Variants in AFF1 observed in about 807,000 individuals in gnomAD.
The protein encoded by AFF1 is AF4/FMR2 family member 1.
In AFF1, 48 loss-of-function variants were observed where a neutral mutation model predicts 121.7. The ratio of observed to expected loss-of-function variants is 0.39; its 90% confidence interval spans 0.31 to 0.50. The LOEUF is 0.50. Among genes scored for constraint, AFF1 ranks in the 20% least tolerant of loss-of-function variants. The pLI, the probability that AFF1 is intolerant of heterozygous loss-of-function variation, is 0.76. For missense variants in AFF1, 1,523 were observed against 1,511.7 expected, an observed-to-expected ratio of 1.01 and a Z score of -0.12; for synonymous variants, 613 against 563.0, an observed-to-expected ratio of 1.09 and a Z score of -1.26.
chr4:87,000,409 A>G (rs1403702791), intron 2 of AFF1, among the ~76,000 whole-genome samples: 1 of 152,246 alleles, frequency 6.6e-6, no homozygotes, highest in African/African-American at 2.4e-5. Context: ...CATTGATGGA[A>G]AAAGTGGTAA....
At position 87,115,134 on chromosome 4, in the gene AFF1, C is replaced by T; in HGVS notation, c.2301C>T (p.Ser767=). The change falls in exon 12 of 21, where the codon AGC becomes AGT. Residue 767 remains serine, a synonymous_variant. Transcript: ENST00000395146. ...SPLRDTPPPQ[S]LMVKITLDLL... ...TCAGGGACACTCCTCCCCCACAAAGCTTGATGGTGAAGATCACCCTAGACC... is the reference window on the plus strand; with the variant it reads ...TCAGGGACACTCCTCCCCCACAAAGTTTGATGGTGAAGATCACCCTAGACC... 1.2e-6 allele frequency: 2 copies of T among 1,614,156 alleles called. No individual in the cohort carries two copies. Among genetic ancestry groups the T allele is most frequent in the Non-Finnish European group, 1.7e-6 (2 of 1,180,036 alleles).
intron 4 of AFF1, 188 bp downstream of exon 4, chr4:87,047,782 G>A: frequency 1.2e-6 from 1 of 804,710 alleles, no homozygotes; most frequent in Non-Finnish European, 2.1e-6. Flanking sequence ...ACTGATTATA[G>A]ATATTGAAAT....
intron 2 of AFF1, among the ~76,000 whole-genome samples, chr4:86,999,186 C>T (rs190564011): frequency 6.6e-6 from 1 of 152,160 alleles, no homozygotes; most frequent in Admixed American, 6.5e-5. Flanking sequence ...CTGATCTTCA[C>T]AGTTAAAAAA....
intron 2 of AFF1, among the ~76,000 whole-genome samples, chr4:86,994,643 TTGATATGCA>T (rs1254665766): frequency 5.9e-5 from 9 of 152,212 alleles, no homozygotes; most frequent in Non-Finnish European, 1.2e-4. Context: ...GCATCATGAC[TTGATATGCA>T]TGAGAACTAG....
chr4:87,018,869 C>G (rs1372313015), intron 2 of AFF1, among the ~76,000 whole-genome samples: 1 of 152,118 alleles, frequency 6.6e-6, no homozygotes, highest in Non-Finnish European at 1.5e-5. Flanking sequence ...TTCGAGAGGA[C>G]ATTTTTCTTT....
At chr4:87,108,052 C>T in intron 10 of AFF1, 107 bp from the exon 11 acceptor site, 1 of 1,275,122 alleles carries the variant, frequency 7.8e-7, no homozygotes, top group Middle Eastern at 2.0e-4. Flanking sequence ...AGCAGTGTAT[C>T]TAATACCAAG....
At chr4:86,950,723 A>G (rs1426653981) in intron 2 of AFF1, among the ~76,000 whole-genome samples, 1 of 152,132 alleles carries the variant, frequency 6.6e-6, no homozygotes, top group East Asian at 1.9e-4. Flanking sequence ...TCCCCTCACC[A>G]AAGGGAAGAC....
intron 2 of AFF1, among the ~76,000 whole-genome samples, chr4:87,002,896 C>T (rs1031215373): frequency 2.6e-5 from 4 of 152,154 alleles, no homozygotes; most frequent in Non-Finnish European, 4.4e-5. Flanking sequence ...CCTCAAATTT[C>T]ATCAGAAAGC....
At chr4:87,055,727 G>T (rs879347562) in intron 4 of AFF1, among the ~76,000 whole-genome samples, 1 of 152,216 alleles carries the variant, frequency 6.6e-6, no homozygotes, top group South Asian at 2.1e-4. Context: ...GACTGAGTTA[G>T]TGGTTTGATT....
Position 87,036,840 on chromosome 4 carries a change from C to T in AFF1, c.39-9326C>T, listed in dbSNP as rs546867283. Reference sequence around the variant, plus strand: ...TTTCTCTCTCTCCCCTCCCCCATCCCCCCTTTTTTTGAGACGGCTTCTTGC... The same window carrying T: ...TTTCTCTCTCTCCCCTCCCCCATCCTCCCTTTTTTTGAGACGGCTTCTTGC... On this transcript the variant is annotated intron_variant, in intron 2 of 20. Transcript: ENST00000395146. The T allele has an allele frequency of 1.7e-4, 87 of 502,376 alleles. 1 individual carries two copies. Among genetic ancestry groups the T allele is most frequent in the African/African-American group, 1.4e-3 (69 of 50,602 alleles). The allele number at this position is 502,376 out of a possible 1,614,324, so 31.1% of individuals were successfully genotyped here.
intron 14 of AFF1, 48 bp downstream of exon 14, chr4:87,126,384 C>A: frequency 6.5e-7 from 1 of 1,541,714 alleles, no homozygotes; most frequent in South Asian, 1.1e-5. Flanking sequence ...CATTGCTGTA[C>A]CTTTACGTTC....
chr4:87,022,566 A>C (rs1201258223), intron 2 of AFF1, among the ~76,000 whole-genome samples: 3 of 71,496 alleles, frequency 4.2e-5, no homozygotes, highest in Admixed American at 1.6e-4. Flanking sequence ...ATATATATAT[A>C]TATATATATA....
At chr4:86,944,849 C>G (rs1463552205) in intron 1 of AFF1, among the ~76,000 whole-genome samples, 1 of 152,130 alleles carries the variant, frequency 6.6e-6, no homozygotes, top group East Asian at 1.9e-4. Context: ...GTCCATAAAA[C>G]TTACATATAT....
At chr4:87,075,296 G>A (rs1722535393) in intron 4 of AFF1, among the ~76,000 whole-genome samples, 1 of 151,776 alleles carries the variant, frequency 6.6e-6, no homozygotes, top group South Asian at 2.1e-4. Flanking sequence ...TTATGAAAGA[G>A]CAATTTACCT....
intron 2 of AFF1, among the ~76,000 whole-genome samples, chr4:87,003,790 T>C (rs1247025439): frequency 6.6e-6 from 1 of 152,116 alleles, no homozygotes; most frequent in Non-Finnish European, 1.5e-5. Context: ...CACCAAAAAA[T>C]TATTGAGAGT....
At chr4:87,020,741 C>G in intron 2 of AFF1, 1 of 958,846 alleles carries the variant, frequency 1.0e-6, no homozygotes, top group Admixed American at 6.2e-5. Flanking sequence ...GCCTCAGCCT[C>G]TCAAAATGCT....
Position 87,060,835 on chromosome 4 carries a change from C to CAAAAAAA in AFF1, c.1059+13267_1059+13273dup, listed in dbSNP as rs749186199. ...GCCTGGCGAGAGTGAGACTCTGTCT[C>CAAAAAAA]AAAAAAAAAAAAAAAAAAAAAAAAA... is the stretch of plus-strand genomic sequence containing the variant. On this transcript the variant is annotated intron_variant, in intron 4 of 20. Transcript: ENST00000395146. Among the ~76,000 whole-genome samples, 433 of 61,968 alleles carry CAAAAAAA rather than the reference C, an allele frequency of 7.0e-3. 18 individuals are homozygous for CAAAAAAA. The highest frequency in any genetic ancestry group is 0.011 in the Non-Finnish European group (330 of 31,110). The allele number at this position is 61,968 out of a possible 152,430, so 40.7% of individuals were successfully genotyped here.
intron 2 of AFF1, among the ~76,000 whole-genome samples, chr4:86,954,368 T>C (rs1191432216): frequency 6.6e-6 from 1 of 152,178 alleles, no homozygotes; most frequent in African/African-American, 2.4e-5. Context: ...TTAACACATA[T>C]TTTGATATGT....
chr4:86,943,547 C>G (rs1260906093), intron 1 of AFF1, among the ~76,000 whole-genome samples: 1 of 152,196 alleles, frequency 6.6e-6, no homozygotes, highest in Admixed American at 6.5e-5. Context: ...GACTGGGGAG[C>G]TGCTTGCTCT....
Sources: allele counts gnomAD v4.1 joint callset (sites outside exome capture counted in the v4.1 genomes callset), GRCh38; gene constraint gnomAD v4.1.1; transcripts MANE v1.5; gene names NCBI Gene and HGNC (gene_info 2026-07-23, HGNC 2026-07-21).